Variants in OPCML observed in about 807,000 individuals in gnomAD.
OPCML encodes opioid-binding protein/cell adhesion molecule.
In OPCML, 13 loss-of-function variants were observed where a neutral mutation model predicts 37.8. The ratio of observed to expected loss-of-function variants is 0.34; its 90% CI spans 0.22 to 0.55. The LOEUF (loss-of-function observed/expected upper bound fraction) is 0.55. Ranked by LOEUF, OPCML falls within the 20% of genes least tolerant of loss-of-function variation. The probability of loss-of-function intolerance (pLI) is 0.91; values close to 1 mark genes in which losing one functional copy is unlikely to be tolerated. For synonymous variants in OPCML, 176 were observed against 168.8 expected (o/e 1.04, Z -0.33); for missense variants, 341 against 435.6 (o/e 0.78, Z 1.93).
At chr11:132,596,521 T>C (rs758628633) in intron 3 of OPCML, among the ~76,000 whole-genome samples, 4 of 152,150 alleles carry the variant, frequency 2.6e-5, no homozygotes, top group East Asian at 3.9e-4. Flanking sequence ...AGTTTGCATA[T>C]GCATGCACCC....
intron 1 of OPCML, among the ~76,000 whole-genome samples, chr11:133,155,992 T>C (rs1488508806): frequency 6.6e-6 from 1 of 152,166 alleles, no homozygotes; most frequent in African/African-American, 2.4e-5. Flanking sequence ...TTATTTCTTA[T>C]TTAACCCATC....
chr11:133,333,880 A>T (rs1446860020), intron 1 of OPCML, among the ~76,000 whole-genome samples: 2 of 152,222 alleles, frequency 1.3e-5, no homozygotes, highest in Non-Finnish European at 2.9e-5. Flanking sequence ...TCCAACAAGC[A>T]TTTAAAAAAA....
intron 1 of OPCML, among the ~76,000 whole-genome samples, chr11:133,020,438 C>T (rs1467515180): frequency 6.6e-6 from 1 of 152,180 alleles, no homozygotes; most frequent in African/African-American, 2.4e-5. Flanking sequence ...TTTTTAGTCT[C>T]TACTTCAAGT....
In OPCML at chr11:132,721,396, G is replaced by A. The variant is rs117370249; in HGVS notation, c.147-64077C>T. On this transcript the variant is annotated intron_variant, in intron 2 of 7. Transcript: ENST00000524381. The stretch of plus-strand genomic sequence containing the variant: ...TCAGCAGACAGGATAAATGCTTGAA[G>A]CTCTGCGGAGGAACAGCCTGGTAAG... Among the ~76,000 whole-genome samples, 1,406 of 152,276 alleles carry A rather than the reference G, an allele frequency of 9.2e-3. 10 individuals carry two copies. Among genetic ancestry groups the A allele is most frequent in the Middle Eastern group, 0.017 (5 of 294 alleles).
chr11:132,908,725 T>C (rs886129658), intron 2 of OPCML, among the ~76,000 whole-genome samples: 1 of 152,248 alleles, frequency 6.6e-6, no homozygotes, highest in African/African-American at 2.4e-5. Flanking sequence ...TAGAAAGACA[T>C]AGCGCATTGA....
chr11:133,310,188 G>A (rs1355353246), intron 1 of OPCML, among the ~76,000 whole-genome samples: 1 of 152,162 alleles, frequency 6.6e-6, no homozygotes, highest in Non-Finnish European at 1.5e-5. Context: ...TTGTGGAAAA[G>A]GGGTATGGCT....
intron 1 of OPCML, among the ~76,000 whole-genome samples, chr11:132,946,511 C>T (rs1945747924): frequency 6.6e-6 from 1 of 152,208 alleles, no homozygotes; most frequent in Admixed American, 6.5e-5. Flanking sequence ...ACACTTTGAG[C>T]TAAGACATTA....
intron 2 of OPCML, among the ~76,000 whole-genome samples, chr11:132,768,188 C>G (rs77641177): frequency 6.6e-6 from 1 of 152,136 alleles, no homozygotes; most frequent in Non-Finnish European, 1.5e-5. Flanking sequence ...CTATTGGAGA[C>G]GCGTAAAGGG....
intron 3 of OPCML, among the ~76,000 whole-genome samples, chr11:132,604,582 C>A (rs1163924387): frequency 1.3e-5 from 2 of 152,154 alleles, no homozygotes; most frequent in African/African-American, 4.8e-5. Context: ...ATTCTACCAC[C>A]AACTCAAACA....
chr11:133,304,060 G>A lies in OPCML; in HGVS notation c.61+228204C>T, dbSNP rs73600473. Among the ~76,000 whole-genome samples, 547 of 152,222 alleles carry A rather than the reference G, an allele frequency of 3.6e-3. 1 individual carries two copies. The highest frequency in any genetic ancestry group is 6.8e-3 in the Middle Eastern group (2 of 294). ...TAACTGATAGAATTGATAAATTTGC[G>A]TACTGTCCTTTCTATTTTACAAGGC... On this transcript the variant is annotated intron_variant, in intron 1 of 7. Coordinates refer to ENST00000524381, the MANE Select transcript of OPCML (RefSeq NM_001012393.5).
At chr11:132,610,125 T>A (rs1036610551) in intron 3 of OPCML, among the ~76,000 whole-genome samples, 1 of 152,226 alleles carries the variant, frequency 6.6e-6, no homozygotes. Flanking sequence ...AATTACTCTA[T>A]ATCCCAGTTT....
chr11:133,170,245 G>C (rs1186571277), intron 1 of OPCML, among the ~76,000 whole-genome samples: 1 of 152,214 alleles, frequency 6.6e-6, no homozygotes, highest in South Asian at 2.1e-4. Context: ...GTGAGGCCGA[G>C]GCGGGCAGAT....
chr11:132,791,952 C>T lies in OPCML; in HGVS notation c.147-134633G>A, dbSNP rs539451130. Among the ~76,000 whole-genome samples, 13 of 152,146 alleles carry T rather than the reference C, an allele frequency of 8.5e-5. No individual in the cohort carries two copies. In the South Asian group the frequency reaches 1.5e-3, roughly 17 times the overall value. Reference sequence around the variant, plus strand: ...AGTACAAGGACTACCACATTATGGGCGCCCATTTTGTGAAATAAAGGAACA... The same window carrying T: ...AGTACAAGGACTACCACATTATGGGTGCCCATTTTGTGAAATAAAGGAACA... On this transcript the variant is annotated intron_variant, in intron 2 of 7. Transcript: ENST00000524381.
intron 3 of OPCML, among the ~76,000 whole-genome samples, chr11:132,619,510 G>A (rs1939261442): frequency 6.6e-6 from 1 of 151,920 alleles, no homozygotes; most frequent in African/African-American, 2.4e-5. Flanking sequence ...CACAGAAAAC[G>A]GCTTGGAATA....
chr11:132,416,143 A>C lies in OPCML; in HGVS notation c.*4050T>G, dbSNP rs1418742122. 1 of 152,180 alleles carries C rather than the reference A, an allele frequency of 6.6e-6. No individual in the cohort carries two copies. Among genetic ancestry groups the C allele is most frequent in the Non-Finnish European group, 1.5e-5 (1 of 68,032 alleles). 9.4% of individuals were successfully genotyped at this position (152,180 alleles called of 1,614,324 possible). A position where few individuals can be genotyped will look rare whatever the true frequency, so the allele number is the denominator to read the frequency against. ...AAATGCATTTTTTCCAAAAAGAAAA[A>C]CCTTATGCTGCTTCCCTTAATTCCA... is the stretch of plus-strand genomic sequence containing the variant. On this transcript the variant is annotated 3_prime_UTR_variant, in exon 8 of 8. Transcript: ENST00000524381.
At chr11:133,218,146 T>C (rs7119491) in intron 1 of OPCML, among the ~76,000 whole-genome samples, 53,640 of 151,948 alleles carry the variant, frequency 0.35, 10,840 homozygotes, top group African/African-American at 0.54. Context: ...GTATTTTTTT[T>C]TATGTTTTAT....
intron 1 of OPCML, among the ~76,000 whole-genome samples, chr11:133,449,107 A>T (rs1405999011): frequency 6.6e-6 from 1 of 152,216 alleles, no homozygotes; most frequent in East Asian, 1.9e-4. Flanking sequence ...TCTGTAAAAA[A>T]TATCCCTGTC....
At chr11:132,701,218 G>A (rs2135922302) in intron 2 of OPCML, among the ~76,000 whole-genome samples, 2 of 152,316 alleles carry the variant, frequency 1.3e-5, no homozygotes, top group South Asian at 4.1e-4. Context: ...AGGCAAGAGA[G>A]CTAGTGCAGG....
At chr11:132,479,591 G>A (rs1316140228) in intron 4 of OPCML, among the ~76,000 whole-genome samples, 1 of 152,186 alleles carries the variant, frequency 6.6e-6, no homozygotes, top group Non-Finnish European at 1.5e-5. Context: ...CAAACAAAAA[G>A]ACAGCAGTAA....
Sources: gnomAD v4.1 joint callset for allele counts (sites outside exome capture counted in the v4.1 genomes callset) on GRCh38, gnomAD v4.1.1 for gene constraint, MANE v1.5 for transcripts, NCBI Gene and HGNC (gene_info 2026-07-23, HGNC 2026-07-21) for gene names.